The following ADCY1 variants were observed in gnomAD, a reference collection of about 807,000 sequenced individuals.
The protein encoded by ADCY1 is adenylate cyclase 1.
In ADCY1, 28 loss-of-function variants were observed where a neutral mutation model predicts 105.4. The observed-to-expected ratio is 0.27, with a 90% CI of 0.20 to 0.36. ADCY1 has a LOEUF of 0.36. Ranked by LOEUF, ADCY1 falls within the 10% of genes least tolerant of loss-of-function variation. The pLI, the probability that ADCY1 is intolerant of heterozygous loss-of-function variation, is 1.00. For synonymous variants in ADCY1, 655 were observed against 623.8 expected, an observed-to-expected ratio of 1.05 and a Z score of -0.75; for missense variants, 977 against 1,434.2, an observed-to-expected ratio of 0.68 and a Z score of 5.15.
chr7:45,581,466 A>G (rs1186134216), intron 1 of ADCY1, among the ~76,000 whole-genome samples: 1 of 152,138 alleles, frequency 6.6e-6, no homozygotes, highest in Non-Finnish European at 1.5e-5. Flanking sequence ...CAACTGTACT[A>G]AACACCCTGT....
intron 2 of ADCY1, among the ~76,000 whole-genome samples, chr7:45,606,970 G>A (rs535488699): frequency 1.4e-4 from 21 of 151,032 alleles, no homozygotes; most frequent in South Asian, 2.1e-4. Flanking sequence ...TGAATTTCAC[G>A]TGGAATCTTT....
chr7:45,650,789 G>A (rs1299084856), intron 5 of ADCY1, among the ~76,000 whole-genome samples: 1 of 152,136 alleles, frequency 6.6e-6, no homozygotes, highest in East Asian at 1.9e-4. Context: ...ATGTTGATGG[G>A]TTATAAGCTG....
At position 45,714,264 on chromosome 7, in the gene ADCY1, C is replaced by T; in HGVS notation, c.*269C>T. On this transcript the variant is annotated 3_prime_UTR_variant, in exon 20 of 20. Transcript: ENST00000297323. ...AGAGGTGTCCACTCCATCCTTCCCTCCGTGGCGTAGGGAGCACTGTTTCTT... is the reference window on the plus strand; with the variant it reads ...AGAGGTGTCCACTCCATCCTTCCCTTCGTGGCGTAGGGAGCACTGTTTCTT... The T allele has an allele frequency of 2.0e-6, 1 of 500,960 alleles. No individual in the cohort carries two copies. Among genetic ancestry groups the T allele is most frequent in the Non-Finnish European group, 3.5e-6 (1 of 281,710 alleles). The allele number at this position is 500,960 out of a possible 1,614,324, so 31.0% of individuals were successfully genotyped here. A position where few individuals can be genotyped will look rare whatever the true frequency, so the allele number is the denominator to read the frequency against.
intron 2 of ADCY1, among the ~76,000 whole-genome samples, chr7:45,609,440 C>T (rs139043950): frequency 3.3e-5 from 5 of 152,188 alleles, no homozygotes; most frequent in South Asian, 2.1e-4. Context: ...CAGGCCGCTG[C>T]GGAGGGGCTT....
chr7:45,703,672 A>G lies in ADCY1; in HGVS notation c.2644A>G (p.Ile882Val), dbSNP rs755000229. 1 of 1,613,212 alleles carries G rather than the reference A, an allele frequency of 6.2e-7. No individual in the cohort carries two copies. Among genetic ancestry groups the G allele is most frequent in the Admixed American group, 1.7e-5 (1 of 59,912 alleles). Residue 882 changes from isoleucine (I) to valine (V), a missense_variant, in exon 16 of 20, where the codon ATC becomes GTC. Around this residue, in one of 7 missense-constraint regions of ADCY1, gnomAD observed 152 missense variants for 293.7 expected, o/e 0.52. Coordinates refer to ENST00000297323, the MANE Select transcript of ADCY1 (RefSeq NM_021116.4). The surrounding 1 kb of genome is among the most constrained non-coding windows in gnomAD (Gnocchi z 5.9). ...ASIPNFNDFY[I>V]ELDGNNMGVE... is the part of the protein sequence containing the mutation. Reference sequence around the variant, plus strand: ...CATCCCCAACTTCAATGACTTCTACATCGAGCTGGACGGCAACAACATGGG... The same window carrying G: ...CATCCCCAACTTCAATGACTTCTACGTCGAGCTGGACGGCAACAACATGGG...
Position 45,694,127 on chromosome 7 carries a change from A to C in ADCY1, c.2454+7454A>C, listed in dbSNP as rs554393332. 1.3e-3 allele frequency among the ~76,000 whole-genome samples: 198 copies of C among 151,012 alleles called. 3 individuals carry two copies. Among genetic ancestry groups the C allele is most frequent in the African/African-American group, 4.6e-3 (190 of 41,374 alleles). On this transcript the variant is annotated intron_variant, in intron 14 of 19. Coordinates refer to ENST00000297323, the MANE Select transcript of ADCY1 (RefSeq NM_021116.4). Reference sequence around the variant, plus strand: ...ACTTAGAGTATAATAAAAAAAAAAAAAAAAAAAAAACACTGTCAACCAACT... The same window carrying C: ...ACTTAGAGTATAATAAAAAAAAAAACAAAAAAAAAACACTGTCAACCAACT...
rs1433567902 is a variant in ADCY1, at chr7:45,719,486, A to G, written c.*5491A>G. 6.6e-6 allele frequency: 1 copy of G among 152,228 alleles called. No individual in the cohort carries two copies. The highest frequency in any genetic ancestry group is 1.5e-5 in the Non-Finnish European group (1 of 68,040). 9.4% of individuals were successfully genotyped at this position (152,228 alleles called of 1,614,324 possible). On this transcript the variant is annotated 3_prime_UTR_variant, in exon 20 of 20. Coordinates refer to ENST00000297323, the MANE Select transcript of ADCY1 (RefSeq NM_021116.4). ...TTGGGGCTAGACTTCCCTAAACAAC[A>G]TGCCATTGTGAAATAATGCATATAT...
At chr7:45,589,337 G>A (rs996816324) in intron 1 of ADCY1, among the ~76,000 whole-genome samples, 17 of 152,166 alleles carry the variant, frequency 1.1e-4, no homozygotes, top group African/African-American at 3.9e-4. Flanking sequence ...GGGCCGGGCC[G>A]GGGTTGGGTC....
chr7:45,648,514 G>A (rs961855504), intron 4 of ADCY1, among the ~76,000 whole-genome samples, 156 bp from the exon 5 acceptor site: 1 of 152,248 alleles, frequency 6.6e-6, no homozygotes, highest in Non-Finnish European at 1.5e-5. Context: ...TGCTGACCAC[G>A]CAAGGGTGTG....
rs1041426458 is a variant in ADCY1 at position 45,665,828 on chromosome 7, G to A, written c.1605+3614G>A. On this transcript the variant is annotated intron_variant, in intron 8 of 19. Coordinates refer to ENST00000297323, the MANE Select transcript of ADCY1 (RefSeq NM_021116.4). ...TTTACCACTGGCTTGTTGGTTGCTG[G>A]GGACTTTATTTCTAGAGGTTGATCT... Among the ~76,000 whole-genome samples the A allele has an allele frequency of 2.0e-5, 3 of 152,194 alleles. No individual in the cohort carries two copies. The South Asian group carries it at 6.2e-4, about 32-fold the overall frequency.
rs571945910 is a variant in ADCY1 at position 45,719,615 on chromosome 7, C to G, written c.*5620C>G. 6.6e-6 allele frequency: 1 copy of G among 152,324 alleles called. No individual in the cohort carries two copies. The highest frequency in any genetic ancestry group is 2.4e-5 in the African/African-American group (1 of 41,564). 9.4% of individuals were successfully genotyped at this position (152,324 alleles called of 1,614,324 possible). A position where few individuals can be genotyped will look rare whatever the true frequency, so the allele number is the denominator to read the frequency against. ...ACTCCACTAGAGGCTGTGCTTAATT[C>G]AAATCCATGTGTGTGCCTGCATTAC... On this transcript the variant is annotated 3_prime_UTR_variant, in exon 20 of 20. Transcript: ENST00000297323.
At position 45,660,189 on chromosome 7, in the gene ADCY1, C is replaced by CA; in HGVS notation, c.1449+7dup. On this transcript the variant is annotated splice_region_variant and intron_variant, in intron 7 of 19. Coordinates refer to ENST00000297323, the MANE Select transcript of ADCY1 (RefSeq NM_021116.4). Reference sequence around the variant, plus strand: ...TGCCATCCCATCGCCGAAAGGTAGGCACCAGAGCCCCCCTCATTTGGTTGA... The same window carrying CA: ...TGCCATCCCATCGCCGAAAGGTAGGCAACCAGAGCCCCCCTCATTTGGTTGA... 6.2e-7 allele frequency: 1 copy of CA among 1,614,042 alleles called. No homozygotes were observed. Among genetic ancestry groups the CA allele is most frequent in the Non-Finnish European group, 8.5e-7 (1 of 1,179,906 alleles).
chr7:45,625,581 T>C (rs1794032879), intron 4 of ADCY1, among the ~76,000 whole-genome samples: 1 of 152,144 alleles, frequency 6.6e-6, no homozygotes, highest in African/African-American at 2.4e-5. Context: ...GTGTGTTATG[T>C]GTGTAGATGT....
intron 4 of ADCY1, among the ~76,000 whole-genome samples, chr7:45,634,522 T>C (rs1794346863): frequency 1.3e-5 from 2 of 152,034 alleles, no homozygotes; most frequent in Non-Finnish European, 2.9e-5. Flanking sequence ...TTTAGTCTGC[T>C]CATATAATGA....
rs1411565608 is a variant in ADCY1 at position 45,715,261 on chromosome 7, G to C, written c.*1266G>C. 2.6e-5 allele frequency: 4 copies of C among 152,664 alleles called. No homozygotes were observed. Among genetic ancestry groups the C allele is most frequent in the African/African-American group, 9.6e-5 (4 of 41,572 alleles). The allele number at this position is 152,664 out of a possible 1,614,324, so 9.5% of individuals were successfully genotyped here. A position where few individuals can be genotyped will look rare whatever the true frequency, so the allele number is the denominator to read the frequency against. On this transcript the variant is annotated 3_prime_UTR_variant, in exon 20 of 20. Transcript: ENST00000297323. ...TGGCATGTGGAAACCTTGGATCTCG[G>C]TCACAGGGAGGAAGGCAGCTAGAAA...
chr7:45,708,268 C>A lies in ADCY1; in HGVS notation c.2818-82C>A. Reference sequence around the variant, plus strand: ...AGAGTGCCTTCCTCTGAAAGTGCAGCTGTTGGGCACTGCAGGTTGGTCCCT... The same window carrying A: ...AGAGTGCCTTCCTCTGAAAGTGCAGATGTTGGGCACTGCAGGTTGGTCCCT... On this transcript the variant is annotated intron_variant, in intron 17 of 19. Coordinates refer to ENST00000297323, the MANE Select transcript of ADCY1 (RefSeq NM_021116.4). This position sits in a 1 kb window ranked among gnomAD's most constrained non-coding sequence, Gnocchi z 4.7. 1 of 855,738 alleles carries A rather than the reference C, an allele frequency of 1.2e-6. No homozygotes were observed. Among genetic ancestry groups the A allele is most frequent in the Non-Finnish European group, 1.9e-6 (1 of 513,118 alleles). 53.0% of individuals were successfully genotyped at this position (855,738 alleles called of 1,614,324 possible).
At chr7:45,584,912 C>G (rs1270907549) in intron 1 of ADCY1, among the ~76,000 whole-genome samples, 1 of 152,232 alleles carries the variant, frequency 6.6e-6, no homozygotes, top group Admixed American at 6.5e-5. Context: ...TCAGGAGATG[C>G]CAGGCAGTTG....
intron 3 of ADCY1, among the ~76,000 whole-genome samples, chr7:45,621,055 C>T (rs1385941809): frequency 6.6e-6 from 1 of 152,116 alleles, no homozygotes; most frequent in Non-Finnish European, 1.5e-5. Context: ...TTTCTGAGGG[C>T]AGTGAGGTTT....
intron 11 of ADCY1, among the ~76,000 whole-genome samples, chr7:45,683,852 AG>A (rs1784612242): frequency 6.6e-6 from 1 of 152,244 alleles, no homozygotes; most frequent in Admixed American, 6.5e-5. Flanking sequence ...AAAAGATGGC[AG>A]GATCTTGCTC....
Sources: gnomAD v4.1 joint callset for allele counts (sites outside exome capture counted in the v4.1 genomes callset) on GRCh38, gnomAD v4.1.1 for gene constraint, gnomAD v4.1.1 regional missense constraint, Gnocchi (gnomAD v3.1) non-coding constraint, MANE v1.5 for transcripts, NCBI Gene and HGNC (gene_info 2026-07-23, HGNC 2026-07-21) for gene names.